Variants in ZNF737 observed in about 807,000 individuals in gnomAD.
ZNF737 encodes the protein zinc finger protein 737.
ZNF737 carries 13 observed loss-of-function variants against 11.7 expected under a neutral mutation model. That is an observed-to-expected ratio of 1.11 (90% CI 0.73 to 1.77). ZNF737 has a LOEUF of 1.77. Ranked by LOEUF, ZNF737 falls within the 40% of genes most tolerant of loss-of-function variation. The pLI, the probability that ZNF737 is intolerant of heterozygous loss-of-function variation, is 0.00. For missense variants in ZNF737, 636 were observed against 638.0 expected, an observed-to-expected ratio of 1.00 and a Z score of 0.03; for synonymous variants, 217 against 216.2, an observed-to-expected ratio of 1.00 and a Z score of -0.03.
rs1245117472 is a variant in ZNF737, at chr19:20,540,879, A to T, written c.*3713T>A. On this transcript the variant is annotated 3_prime_UTR_variant, in exon 4 of 4. Transcript: ENST00000427401. ...TTACAAATAACTATTTTTCTGGCTT[A>T]AATTATTTTTTATGCACCATTTATA... The T allele has an allele frequency of 8.3e-6, 8 of 958,352 alleles. No homozygotes were observed. The African/African-American group carries it at 1.4e-4, about 17-fold the overall frequency. 59.4% of individuals were successfully genotyped at this position (958,352 alleles called of 1,614,324 possible).
chr19:20,535,531 T>TG (rs1314792336), downstream of ZNF737, among the ~76,000 whole-genome samples: 3 of 149,668 alleles, frequency 2.0e-5, no homozygotes, highest in African/African-American at 7.4e-5. Context: ...AATCCTCGTT[T>TG]TTTTTTTTTT....
Position 20,545,961 on chromosome 19 carries a change from A to G in ZNF737, c.242T>C (p.Phe81Ser). Residue 81 changes from phenylalanine (F) to serine (S), a missense_variant, in exon 4 of 4, where the codon TTT becomes TCT. Transcript: ENST00000427401. ...CTGCTCTGGCCAAAGATCTCGGGCA[A>G]AATGAGAACACGTAACTGAAAGAAA... ...VANPSVTCSH[F>S]ARDLWPEQSI... 1 of 1,548,986 alleles carries G rather than the reference A, an allele frequency of 6.5e-7. No individual in the cohort carries two copies. Among genetic ancestry groups the G allele is most frequent in the Non-Finnish European group, 8.7e-7 (1 of 1,154,240 alleles).
At chr19:20,559,352 C>T (rs1968998070) in intron 1 of ZNF737, among the ~76,000 whole-genome samples, 1 of 152,020 alleles carries the variant, frequency 6.6e-6, no homozygotes, top group South Asian at 2.1e-4. Flanking sequence ...CAAACGACCT[C>T]ATTAAAAAGT....
At position 20,553,814 on chromosome 19, in the gene ZNF737, C is replaced by T. The variant is rs139042373; in HGVS notation, c.25G>A (p.Val9Met). Residue 9 changes from valine (V) to methionine (M), a missense_variant, in exon 2 of 4, where the codon GTG becomes ATG. Val to Met is a conservative substitution (Grantham distance 21). Transcript: ENST00000427401. MGPLQFRD[V>M]AIEFSLEEWH... ...TCCTCCAGAGAGAATTCTATGGCCA[C>T]GTCTCTAAATTGCAATGGCCCCTGA... 95 of 1,613,706 alleles carry T rather than the reference C, an allele frequency of 5.9e-5. 1 individual carries two copies. The African/African-American group carries it at 6.9e-4, about 12-fold the overall frequency.
intron 1 of ZNF737, among the ~76,000 whole-genome samples, chr19:20,556,429 C>T (rs1296511128): frequency 3.3e-5 from 5 of 152,076 alleles, no homozygotes; most frequent in South Asian, 2.1e-4. Flanking sequence ...CAAGCTTTAA[C>T]GAGCTAAGCT....
intron 1 of ZNF737, among the ~76,000 whole-genome samples, chr19:20,560,386 A>G (rs1969046515): frequency 6.6e-6 from 1 of 151,228 alleles, no homozygotes; most frequent in Non-Finnish European, 1.5e-5. Context: ...TCAAAATAAA[A>G]TATGGTATAT....
At chr19:20,533,535 A>G (rs1967880537), downstream of ZNF737, among the ~76,000 whole-genome samples, 1 of 149,946 alleles carries the variant, frequency 6.7e-6, no homozygotes, top group Non-Finnish European at 1.5e-5. Context: ...TTTAAATTAT[A>G]GAGCGTATAC....
In ZNF737 at chr19:20,558,254, C is replaced by A. The variant is rs999721456; in HGVS notation, c.4-4419G>T. 2.7e-5 allele frequency among the ~76,000 whole-genome samples: 4 copies of A among 148,414 alleles called. No homozygotes were observed. In the Admixed American group the frequency reaches 2.7e-4, roughly 10 times the overall value. On this transcript the variant is annotated intron_variant, in intron 1 of 3. Transcript: ENST00000427401. The stretch of plus-strand genomic sequence containing the variant: ...GAGCCAAGATCACACAACTGCACTC[C>A]AGCCTGGGTGACAGAGACTCCGTCT...
downstream of ZNF737, among the ~76,000 whole-genome samples, chr19:20,533,255 C>T (rs1187510091): frequency 6.7e-6 from 1 of 149,944 alleles, no homozygotes; most frequent in Admixed American, 6.6e-5. Flanking sequence ...TATTTCTGTA[C>T]TATTCTAGAT....
At chr19:20,562,522 CTT>C (rs77611842) in intron 1 of ZNF737, among the ~76,000 whole-genome samples, 1 of 146,410 alleles carries the variant, frequency 6.8e-6, no homozygotes, top group African/African-American at 2.5e-5. Flanking sequence ...TTTTCTTTTT[CTT>C]TTTTTTTTTC....
At chr19:20,553,657 G>A in intron 2 of ZNF737, 52 bp downstream of exon 2, 1 of 1,544,884 alleles carries the variant, frequency 6.5e-7, no homozygotes, top group African/African-American at 1.4e-5. Context: ...ACAAGAGAGA[G>A]AAATAAAGTC....
Position 20,565,748 on chromosome 19 carries a change from T to A in ZNF737, c.-108A>T, listed in dbSNP as rs374973460. 1 of 1,549,562 alleles carries A rather than the reference T, an allele frequency of 6.5e-7. No homozygotes were observed. The highest frequency in any genetic ancestry group is 8.9e-7 in the Non-Finnish European group (1 of 1,121,486). ...TCTAGGAGCAGAGGACACACAGCAG[T>A]GAAGACAAGACCTGGAGCTCCGGCT... On this transcript the variant is annotated 5_prime_UTR_variant, in exon 1 of 4. Transcript: ENST00000427401.
At chr19:20,532,021 T>A (rs1266723784), downstream of ZNF737, among the ~76,000 whole-genome samples, 3 of 150,194 alleles carry the variant, frequency 2.0e-5, no homozygotes, top group Non-Finnish European at 4.4e-5. Flanking sequence ...TACAATTTTG[T>A]TTATGTAAAT....
chr19:20,551,577 C>A (rs1178843609), intron 3 of ZNF737, among the ~76,000 whole-genome samples: 1 of 151,758 alleles, frequency 6.6e-6, no homozygotes, highest in African/African-American at 2.4e-5. Context: ...AATGAATACA[C>A]TGAGTAAATT....
intron 3 of ZNF737, among the ~76,000 whole-genome samples, chr19:20,549,213 A>T (rs1379793441): frequency 6.6e-6 from 1 of 152,188 alleles, no homozygotes; most frequent in African/African-American, 2.4e-5. Context: ...ATTATGATAG[A>T]TATGCATAAT....
chr19:20,530,520 T>G, the ZNF737 span, among the ~76,000 whole-genome samples: 3 of 139,030 alleles, frequency 2.2e-5, no homozygotes, highest in Admixed American at 7.1e-5. Context: ...ATGGGGCGGT[T>G]GCCAGGCGGA....
In ZNF737 at chr19:20,542,475, G is replaced by C. The variant is rs1430683088; in HGVS notation, c.*2117C>G. On this transcript the variant is annotated 3_prime_UTR_variant, in exon 4 of 4. Coordinates refer to ENST00000427401, the MANE Select transcript of ZNF737 (RefSeq NM_001159293.2). ...TCGAACTCCTGACCTCAGGTGATCTGCCCACCTTGGCCTCCCAAAGTGCTG... is the reference window on the plus strand; with the variant it reads ...TCGAACTCCTGACCTCAGGTGATCTCCCCACCTTGGCCTCCCAAAGTGCTG... 4 of 788,782 alleles carry C rather than the reference G, an allele frequency of 5.1e-6. No homozygotes were observed. The highest frequency in any genetic ancestry group is 6.1e-6 in the Non-Finnish European group (4 of 650,920). The allele number at this position is 788,782 out of a possible 1,614,324, so 48.9% of individuals were successfully genotyped here. A position where few individuals can be genotyped will look rare whatever the true frequency, so the allele number is the denominator to read the frequency against.
chr19:20,561,584 G>GT (rs1555762466), intron 1 of ZNF737, among the ~76,000 whole-genome samples: 1 of 151,732 alleles, frequency 6.6e-6, no homozygotes, highest in Non-Finnish European at 1.5e-5. Context: ...AACACCTAGA[G>GT]TTTTATTCCA....
the ZNF737 span, among the ~76,000 whole-genome samples, chr19:20,530,763 G>A: frequency 6.8e-6 from 1 of 146,574 alleles, no homozygotes; most frequent in African/African-American, 2.6e-5. Context: ...CAGGCAGAGG[G>A]GCTCCTCACA....
Sources: allele counts gnomAD v4.1 joint callset (sites outside exome capture counted in the v4.1 genomes callset), GRCh38; gene constraint gnomAD v4.1.1; transcripts MANE v1.5; gene names NCBI Gene and HGNC (gene_info 2026-07-23, HGNC 2026-07-21).